The following AUTS2 variants were observed in gnomAD, a reference collection of about 807,000 sequenced individuals.
AUTS2 encodes the protein activator of transcription and developmental regulator AUTS2, also known as autism susceptibility gene 2 protein.
A neutral mutation model predicts 112.4 loss-of-function variants in AUTS2; 17 were observed. That is an observed-to-expected ratio of 0.15 (90% CI 0.10 to 0.23). AUTS2 has a LOEUF of 0.23. Ranked by LOEUF, AUTS2 falls within the 10% of genes least tolerant of loss-of-function variation. AUTS2 has a pLI of 1.00. For synonymous variants in AUTS2, 751 were observed against 702.7 expected, an observed-to-expected ratio of 1.07 and a Z score of -1.09; for missense variants, 1,510 against 1,701.6, an observed-to-expected ratio of 0.89 and a Z score of 1.98.
chr7:70,248,736 G>A (rs963163285), intron 4 of AUTS2, among the ~76,000 whole-genome samples: 12 of 151,454 alleles, frequency 7.9e-5, no homozygotes, highest in African/African-American at 2.9e-4. Flanking sequence ...TCTTTTGGTT[G>A]TTACTCTAGA....
intron 5 of AUTS2, among the ~76,000 whole-genome samples, chr7:70,537,835 A>T (rs1458680878): frequency 6.6e-6 from 1 of 152,194 alleles, no homozygotes; most frequent in Non-Finnish European, 1.5e-5. Context: ...AGGACGTAAA[A>T]ATTTCAGTAT....
chr7:70,126,639 TAAAC>T (rs1394119389), intron 3 of AUTS2, among the ~76,000 whole-genome samples: 4 of 152,146 alleles, frequency 2.6e-5, no homozygotes, highest in African/African-American at 9.7e-5. Context: ...GCTTCCAACT[TAAAC>T]AGAATTTTGT....
chr7:69,746,741 A>T (rs1311699984), intron 1 of AUTS2, among the ~76,000 whole-genome samples: 2 of 152,124 alleles, frequency 1.3e-5, no homozygotes, highest in Non-Finnish European at 2.9e-5. Flanking sequence ...AGGACCTTGT[A>T]GGTACTATAA....
chr7:70,171,337 C>G (rs1332190023), intron 4 of AUTS2, among the ~76,000 whole-genome samples: 1 of 152,162 alleles, frequency 6.6e-6, no homozygotes, highest in Non-Finnish European at 1.5e-5. Context: ...CCCACCTGTC[C>G]TTTACCCTTC....
chr7:70,491,214 TCA>T (rs77667032), intron 5 of AUTS2, among the ~76,000 whole-genome samples: 17,647 of 151,924 alleles, frequency 0.12, 1,447 homozygotes, highest in Non-Finnish European at 0.15. Flanking sequence ...TCTCTCATTA[TCA>T]CACACTCTCT....
At chr7:69,910,627 ATTTTATT>A (rs1795314715) in intron 2 of AUTS2, among the ~76,000 whole-genome samples, 1 of 152,096 alleles carries the variant, frequency 6.6e-6, no homozygotes, top group African/African-American at 2.4e-5. Flanking sequence ...TTATTTTATT[ATTTTATT>A]TTTTATTTCT....
rs559786617 is a variant in AUTS2 at position 69,765,288 on chromosome 7, G to C, written c.310-133998G>C. Among the ~76,000 whole-genome samples the C allele has an allele frequency of 2.6e-5, 4 of 152,260 alleles. No individual in the cohort carries two copies. In the South Asian group the frequency reaches 8.3e-4, roughly 32 times the overall value. ...CAAGAGCCCTTATCACACCTAACAG[G>C]ACACATTGGACATGGTAGGTACCTA... On this transcript the variant is annotated intron_variant, in intron 1 of 18. Coordinates refer to ENST00000342771, the MANE Select transcript of AUTS2 (RefSeq NM_015570.4).
intron 4 of AUTS2, among the ~76,000 whole-genome samples, chr7:70,189,434 C>T (rs903376547): frequency 2.0e-5 from 3 of 152,126 alleles, no homozygotes; most frequent in Non-Finnish European, 4.4e-5. Flanking sequence ...AAAAGTAATT[C>T]CATGACAACT....
chr7:70,065,853 A>G (rs1269430662), intron 2 of AUTS2, among the ~76,000 whole-genome samples: 1 of 152,126 alleles, frequency 6.6e-6, no homozygotes, highest in Non-Finnish European at 1.5e-5. Context: ...CTGCAGGTGT[A>G]TGCTACCATG....
chr7:69,762,688 C>G (rs1373462229), intron 1 of AUTS2, among the ~76,000 whole-genome samples: 1 of 152,054 alleles, frequency 6.6e-6, no homozygotes, highest in Non-Finnish European at 1.5e-5. Flanking sequence ...ATCAAACAAT[C>G]AGTTATTGTA....
rs1413510390 is a variant in AUTS2 at position 69,912,477 on chromosome 7, C to T, written c.522+12979C>T. On this transcript the variant is annotated intron_variant, in intron 2 of 18. Transcript: ENST00000342771. ...AGCCAGCATCTTGGCAGCGGCTGCT[C>T]CAGACAGGCTGCCACTGCCATCACT... Among the ~76,000 whole-genome samples the T allele has an allele frequency of 5.3e-5, 8 of 152,338 alleles. No individual in the cohort carries two copies. In the East Asian group the frequency reaches 1.2e-3, roughly 22 times the overall value.
chr7:69,920,275 C>A (rs1467804701), intron 2 of AUTS2, among the ~76,000 whole-genome samples: 1 of 151,978 alleles, frequency 6.6e-6, no homozygotes, highest in Non-Finnish European at 1.5e-5. Context: ...CCTCTCCTCT[C>A]CTGTCCTCTC....
chr7:69,873,587 G>A (rs1473832013), intron 1 of AUTS2, among the ~76,000 whole-genome samples: 3 of 152,124 alleles, frequency 2.0e-5, no homozygotes, highest in African/African-American at 7.2e-5. Context: ...GTGAGTGACT[G>A]TTATCGTTAA....
At position 70,790,917 on chromosome 7, in the gene AUTS2, C is replaced by G. The variant is rs1342620208; in HGVS notation, c.3701C>G (p.Pro1234Arg). The G allele has an allele frequency of 1.3e-6, 2 of 1,572,434 alleles. No homozygotes were observed. Among genetic ancestry groups the G allele is most frequent in the Non-Finnish European group, 8.6e-7 (1 of 1,160,450 alleles). ...ACGCTGGGGGGCCGCCCGGTCTCTCCCAGAAGGACGACTCCTCTGTCCGCA... is the reference window on the plus strand; with the variant it reads ...ACGCTGGGGGGCCGCCCGGTCTCTCGCAGAAGGACGACTCCTCTGTCCGCA... ...ISTLGGRPVS[P>R]RRTTPLSAEI... The change falls in exon 19 of 19, where the codon CCC becomes CGC. Residue 1234 changes from proline (P) to arginine (R), a missense_variant. By Grantham distance (103) the Pro-to-Arg change is moderately radical (BLOSUM62 -2). This residue lies in a region of AUTS2 where 788 missense variants were observed against 797.6 expected (regional missense o/e 0.99). Coordinates refer to ENST00000342771, the MANE Select transcript of AUTS2 (RefSeq NM_015570.4). This position sits in a 1 kb window ranked among gnomAD's most constrained non-coding sequence, Gnocchi z 7.6.
At chr7:69,857,160 C>T (rs1792766196) in intron 1 of AUTS2, among the ~76,000 whole-genome samples, 1 of 152,190 alleles carries the variant, frequency 6.6e-6, no homozygotes, top group Admixed American at 6.5e-5. Context: ...TGTATTCACA[C>T]ATACACTTAG....
intron 4 of AUTS2, among the ~76,000 whole-genome samples, chr7:70,238,106 TGG>T (rs1812420608): frequency 6.6e-6 from 1 of 152,200 alleles, no homozygotes; most frequent in African/African-American, 2.4e-5. Context: ...AAGCCCCATC[TGG>T]TAAGAGTGAT....
intron 4 of AUTS2, among the ~76,000 whole-genome samples, chr7:70,427,887 AGTACCGAATTCCAGAGGCTTCTG>A (rs1795499028): frequency 6.6e-6 from 1 of 152,218 alleles, no homozygotes; most frequent in Non-Finnish European, 1.5e-5. Flanking sequence ...CTAGGTTATC[AGTACCGAATTCCAGAGGCTTCTG>A]AGAGTTGATT....
chr7:70,584,737 C>T (rs1386004982), intron 5 of AUTS2, among the ~76,000 whole-genome samples: 1 of 152,258 alleles, frequency 6.6e-6, no homozygotes, highest in Admixed American at 6.5e-5. Context: ...CGAGTGCTGG[C>T]CTTGCTCTGA....
chr7:69,807,985 CCAGGCTGGAGTG>C (rs1417844881), intron 1 of AUTS2, among the ~76,000 whole-genome samples: 1 of 148,490 alleles, frequency 6.7e-6, no homozygotes, highest in Non-Finnish European at 1.5e-5. Flanking sequence ...GCTCTGTTGC[CCAGGCTGGAGTG>C]CAGTGGCACG....
Sources: allele counts gnomAD v4.1 joint callset (sites outside exome capture counted in the v4.1 genomes callset), GRCh38; gene constraint gnomAD v4.1.1; regional missense constraint gnomAD v4.1.1; non-coding constraint Gnocchi (gnomAD v3.1); transcripts MANE v1.5; gene names NCBI Gene and HGNC (gene_info 2026-07-23, HGNC 2026-07-21).